SCAF8: variants seen among roughly 807,000 people sequenced by gnomAD.
The protein encoded by SCAF8 is SR-related and CTD-associated factor 8.
SCAF8 carries 23 observed loss-of-function variants against 140.5 expected under a neutral mutation model. The ratio of observed to expected loss-of-function variants is 0.16; its 90% confidence interval spans 0.12 to 0.23. The LOEUF (loss-of-function observed/expected upper bound fraction) is 0.23. SCAF8 is among the 10% of genes least tolerant of loss of function. SCAF8 has a pLI of 1.00. For missense variants in SCAF8, 1,397 were observed against 1,555.7 expected (o/e 0.90, Z 1.72); for synonymous variants, 575 against 528.9 (o/e 1.09, Z -1.20).
chr6:154,759,033 C>A (rs1211282064), intron 1 of SCAF8, among the ~76,000 whole-genome samples: 2 of 152,182 alleles, frequency 1.3e-5, no homozygotes, highest in Admixed American at 6.5e-5. Context: ...CCTCAGCTCC[C>A]ATGCACAGCC....
intron 1 of SCAF8, among the ~76,000 whole-genome samples, chr6:154,744,248 C>T (rs1778641446): frequency 6.6e-6 from 1 of 152,162 alleles, no homozygotes; most frequent in African/African-American, 2.4e-5. Flanking sequence ...GCTGAGATTG[C>T]ACCACTGCAC....
At chr6:154,753,746 C>T (rs965229501) in intron 1 of SCAF8, among the ~76,000 whole-genome samples, 1 of 152,136 alleles carries the variant, frequency 6.6e-6, no homozygotes, top group East Asian at 1.9e-4. Context: ...AGCCGTTTAA[C>T]AGTGGTTATT....
chr6:154,748,075 G>A (rs756661636), intron 1 of SCAF8, among the ~76,000 whole-genome samples: 5 of 152,096 alleles, frequency 3.3e-5, no homozygotes, highest in Non-Finnish European at 1.5e-5. Flanking sequence ...ATTTTAAAAG[G>A]TTAGCTCATT....
chr6:154,815,397 A>G (rs1778217768), intron 12 of SCAF8, among the ~76,000 whole-genome samples: 1 of 152,124 alleles, frequency 6.6e-6, no homozygotes, highest in African/African-American at 2.4e-5. Flanking sequence ...GAATTTTACA[A>G]CTCTCAGTTC....
intron 6 of SCAF8, among the ~76,000 whole-genome samples, chr6:154,800,029 G>A (rs983508758): frequency 4.6e-5 from 7 of 150,998 alleles, no homozygotes; most frequent in African/African-American, 1.7e-4. Context: ...TAAGTGATCC[G>A]CCCGCCTCGG....
At chr6:154,770,411 CTCTCTCTCTCTCTA>C (rs1433364596) in intron 1 of SCAF8, among the ~76,000 whole-genome samples, 4 of 94,110 alleles carry the variant, frequency 4.3e-5, no homozygotes, top group Non-Finnish European at 6.5e-5. Flanking sequence ...CTCTCTCTCT[CTCTCTCTCTCTCTA>C]GTTGAGTGTG....
intron 1 of SCAF8, chr6:154,742,116 GGA>G: frequency 1.3e-6 from 1 of 780,734 alleles, no homozygotes; most frequent in Non-Finnish European, 2.1e-6. Flanking sequence ...TTAGTACTTG[GGA>G]AGCAGAATGA....
Position 154,733,801 on chromosome 6 carries a change from C to T in SCAF8, c.-100C>T, listed in dbSNP as rs1778329009. The T allele has an allele frequency of 2.8e-6, 4 of 1,427,926 alleles. No homozygotes were observed. The highest frequency in any genetic ancestry group is 3.4e-5 in the Admixed American group (1 of 29,694). The allele number at this position is 1,427,926 out of a possible 1,614,324, so 88.5% of individuals were successfully genotyped here. A position where few individuals can be genotyped will look rare whatever the true frequency, so the allele number is the denominator to read the frequency against. On this transcript the variant is annotated 5_prime_UTR_variant, in exon 1 of 20. Coordinates refer to ENST00000367178, the MANE Select transcript of SCAF8 (RefSeq NM_014892.5). Reference sequence around the variant, plus strand: ...CGGCCCGCTCTCCCGCCAGCGCCCCCTCCTCGCGGCCACGCAGCAGCCCGC... The same window carrying T: ...CGGCCCGCTCTCCCGCCAGCGCCCCTTCCTCGCGGCCACGCAGCAGCCCGC...
At chr6:154,752,824 T>G (rs1778871016) in intron 1 of SCAF8, among the ~76,000 whole-genome samples, 1 of 152,136 alleles carries the variant, frequency 6.6e-6, no homozygotes, top group Non-Finnish European at 1.5e-5. Flanking sequence ...TAGGTTCAAG[T>G]GATTCTCCTG....
chr6:154,741,893 T>A (rs1038020503), intron 1 of SCAF8: 51 of 1,147,838 alleles, frequency 4.4e-5, no homozygotes, highest in Admixed American at 8.0e-5. Context: ...TCCTGAACTT[T>A]TAAGTGAGCT....
Position 154,818,529 on chromosome 6 carries a change from T to C in SCAF8, c.1572T>C (p.Asp524=), listed in dbSNP as rs2114669423. The change falls in exon 14 of 20, where the codon GAT becomes GAC. Residue 524 remains aspartate, a synonymous_variant. Transcript: ENST00000367178. ...ATGTCTGCATGGTTCATCGACAAGA[T>C]GCATTTCGAGCTCTTCAGAAACTCA... ...CAYVCMVHRQ[D]AFRALQKLSS... is the part of the protein sequence containing the mutation. The C allele has an allele frequency of 1.2e-6, 2 of 1,610,144 alleles. No individual in the cohort carries two copies. The highest frequency in any genetic ancestry group is 1.7e-6 in the Non-Finnish European group (2 of 1,178,236).
intron 1 of SCAF8, among the ~76,000 whole-genome samples, chr6:154,769,348 A>G (rs567637957): frequency 5.3e-5 from 8 of 152,312 alleles, no homozygotes; most frequent in East Asian, 1.9e-4. Context: ...TTGGTCTGCT[A>G]CAATATGGAC....
chr6:154,830,021 A>G (rs903271902), intron 18 of SCAF8, among the ~76,000 whole-genome samples: 4 of 152,258 alleles, frequency 2.6e-5, no homozygotes, highest in African/African-American at 9.6e-5. Flanking sequence ...TGAATTCACT[A>G]TTCACAGAGG....
intron 1 of SCAF8, among the ~76,000 whole-genome samples, chr6:154,736,395 G>A (rs1050960518): frequency 2.7e-5 from 4 of 150,124 alleles, no homozygotes; most frequent in African/African-American, 9.8e-5. Flanking sequence ...TTCAGCCTCC[G>A]GAGTAGCTGG....
At chr6:154,760,923 A>G (rs1050816021) in intron 1 of SCAF8, among the ~76,000 whole-genome samples, 6 of 152,110 alleles carry the variant, frequency 3.9e-5, no homozygotes, top group Admixed American at 3.9e-4. Context: ...AGCTGGGACT[A>G]CAGGCATGCA....
At position 154,831,113 on chromosome 6, in the gene SCAF8, A is replaced by G; in HGVS notation, c.2332A>G (p.Ile778Val). ...AGTACCTCATCTTATAGACCACCAGATTTCTTCTGGTGAAAACACCAGATC... is the reference window on the plus strand; with the variant it reads ...AGTACCTCATCTTATAGACCACCAGGTTTCTTCTGGTGAAAACACCAGATC... Reference protein sequence around the residue: ...EKVPHLIDHQISSGENTRSVI... With the variant: ...EKVPHLIDHQVSSGENTRSVI... Residue 778 changes from isoleucine (I) to valine (V), a missense_variant, in exon 19 of 20, where the codon ATT (isoleucine) becomes GTT (valine). This residue lies in a region of SCAF8 where 930 missense variants were observed against 874.6 expected (regional missense o/e 1.06). Transcript: ENST00000367178. The G allele has an allele frequency of 6.2e-7, 1 of 1,610,974 alleles. No homozygotes were observed.
chr6:154,832,264 A>G lies in SCAF8; in HGVS notation c.2685A>G (p.Gly895=), dbSNP rs141498334. The G allele has an allele frequency of 1.4e-5, 22 of 1,614,086 alleles. No homozygotes were observed. The highest frequency in any genetic ancestry group is 1.7e-5 in the Non-Finnish European group (20 of 1,180,006). Residue 895 remains glycine, a synonymous_variant, in exon 20 of 20, where the codon GGA becomes GGG. Coordinates refer to ENST00000367178, the MANE Select transcript of SCAF8 (RefSeq NM_014892.5). ...CACCAAATGTTCCAAATACTCCTGG[A>G]CTTCTGGGAACACAGCCACCAGCTG... ...VQPPNVPNTP[G]LLGTQPPAGP...
intron 1 of SCAF8, among the ~76,000 whole-genome samples, chr6:154,738,415 T>C (rs770943162): frequency 6.6e-6 from 1 of 152,244 alleles, no homozygotes; most frequent in Non-Finnish European, 1.5e-5. Context: ...GCAGGAATTA[T>C]GTGGTAAATT....
At chr6:154,777,519 A>G (rs1378049385) in intron 2 of SCAF8, among the ~76,000 whole-genome samples, 1 of 152,204 alleles carries the variant, frequency 6.6e-6, no homozygotes, top group African/African-American at 2.4e-5. Context: ...GAGAAGCAGA[A>G]GGAGATAAAT....
Sources: gnomAD v4.1 joint callset for allele counts (sites outside exome capture counted in the v4.1 genomes callset) on GRCh38, gnomAD v4.1.1 for gene constraint, gnomAD v4.1.1 regional missense constraint, MANE v1.5 for transcripts, NCBI Gene and HGNC (gene_info 2026-07-23, HGNC 2026-07-21) for gene names.